Variants in GYS2 observed in about 807,000 individuals in gnomAD.
GYS2 encodes glycogen synthase 2.
A neutral mutation model predicts 85.6 loss-of-function variants in GYS2; 80 were observed. That is an observed-to-expected ratio of 0.93 (90% confidence interval 0.78 to 1.13). The LOEUF (loss-of-function observed/expected upper bound fraction) is 1.13, where lower values mean the gene tolerates loss of function less well. Ranked by LOEUF, GYS2 falls within the 50% of genes most tolerant of loss-of-function variation. GYS2 has a pLI of 0.00. For missense variants in GYS2, 881 were observed against 854.9 expected (o/e 1.03, Z -0.38); for synonymous variants, 328 against 300.7 (o/e 1.09, Z -0.94).
At chr12:21,550,460 C>G (rs1312857682) in intron 11 of GYS2, among the ~76,000 whole-genome samples, 1 of 152,108 alleles carries the variant, frequency 6.6e-6, no homozygotes, top group African/African-American at 2.4e-5. Context: ...CTCCTCTCTC[C>G]ATTCTGGCTC....
chr12:21,554,767 C>A (rs563935831), intron 11 of GYS2, among the ~76,000 whole-genome samples: 2 of 152,146 alleles, frequency 1.3e-5, no homozygotes, highest in Non-Finnish European at 2.9e-5. Flanking sequence ...GAGATGATAA[C>A]ATCAGGAAGG....
chr12:21,597,563 G>A (rs985629239), intron 1 of GYS2, among the ~76,000 whole-genome samples: 11 of 152,090 alleles, frequency 7.2e-5, no homozygotes, highest in Admixed American at 5.9e-4. Context: ...TGCTGGCAAG[G>A]ATGTGAAGGA....
intron 1 of GYS2, among the ~76,000 whole-genome samples, chr12:21,596,125 CA>C (rs1036150151): frequency 1.3e-5 from 2 of 151,174 alleles, no homozygotes; most frequent in Admixed American, 6.6e-5. Flanking sequence ...AATTACCAAC[CA>C]AAAAAAAGTT....
intron 1 of GYS2, among the ~76,000 whole-genome samples, chr12:21,585,068 T>C (rs1944557562): frequency 6.6e-6 from 1 of 152,174 alleles, no homozygotes; most frequent in South Asian, 2.1e-4. Flanking sequence ...CAATATATGG[T>C]ACTGTTTCTC....
Position 21,536,158 on chromosome 12 carries a change from C to T in GYS2, c.*796G>A, listed in dbSNP as rs1158123561. ...TTACTTGGATTTAACAACTTATCAT[C>T]TATGAAGAAACAAGGCATTACCAGT... On this transcript the variant is annotated 3_prime_UTR_variant, in exon 16 of 16. Transcript: ENST00000261195. The T allele has an allele frequency of 1.3e-5, 2 of 152,056 alleles. No individual in the cohort carries two copies. Among genetic ancestry groups the T allele is most frequent in the Non-Finnish European group, 2.9e-5 (2 of 68,010 alleles). 9.4% of individuals were successfully genotyped at this position (152,056 alleles called of 1,614,324 possible). A position where few individuals can be genotyped will look rare whatever the true frequency, so the allele number is the denominator to read the frequency against.
chr12:21,597,819 A>C (rs962894643), intron 1 of GYS2, among the ~76,000 whole-genome samples: 1 of 152,162 alleles, frequency 6.6e-6, no homozygotes, highest in Non-Finnish European at 1.5e-5. Flanking sequence ...CAATGGATGA[A>C]TGAAGAAAAT....
At chr12:21,583,678 G>A (rs1409387072) in intron 1 of GYS2, among the ~76,000 whole-genome samples, 1 of 152,172 alleles carries the variant, frequency 6.6e-6, no homozygotes, top group Non-Finnish European at 1.5e-5. Flanking sequence ...TCTCTTTTAG[G>A]GAGAAAGCTC....
At chr12:21,584,629 T>C (rs557611888) in intron 1 of GYS2, among the ~76,000 whole-genome samples, 2 of 152,326 alleles carry the variant, frequency 1.3e-5, no homozygotes, top group African/African-American at 4.8e-5. Context: ...GCCCTTGATA[T>C]GGCACCATTC....
Position 21,575,784 on chromosome 12 carries a change from A to G in GYS2, c.495+82T>C. On this transcript the variant is annotated intron_variant, in intron 3 of 15. Transcript: ENST00000261195. ...ATGGCATCATCTCAAAATCTGCCTC[A>G]TTTAAAGATCATGGGATCATTCTTG... 5 of 1,081,856 alleles carry G rather than the reference A, an allele frequency of 4.6e-6. No homozygotes were observed. In the South Asian group the frequency reaches 6.2e-5, roughly 13 times the overall value. 67.0% of individuals were successfully genotyped at this position (1,081,856 alleles called of 1,614,324 possible).
At chr12:21,568,433 A>G (rs1407480218) in intron 5 of GYS2, among the ~76,000 whole-genome samples, 2 of 152,198 alleles carry the variant, frequency 1.3e-5, no homozygotes, top group Non-Finnish European at 2.9e-5. Flanking sequence ...TTTCCAAGGA[A>G]TCTGGGGATA....
intron 5 of GYS2, among the ~76,000 whole-genome samples, chr12:21,564,450 T>A (rs894316471): frequency 2.0e-5 from 3 of 151,630 alleles, no homozygotes; most frequent in Admixed American, 6.6e-5. Flanking sequence ...AAAAAAAGAA[T>A]CTTTTACAGT....
chr12:21,599,134 A>AC (rs1371372440), intron 1 of GYS2, among the ~76,000 whole-genome samples: 3 of 151,988 alleles, frequency 2.0e-5, no homozygotes, highest in Non-Finnish European at 4.4e-5. Context: ...ATACACACAT[A>AC]TATACATATT....
At position 21,576,018 on chromosome 12, in the gene GYS2, C is replaced by T. The variant is rs764149075; in HGVS notation, c.343G>A (p.Val115Met). Residue 115 changes from valine to methionine, a missense_variant, in exon 3 of 16, where the codon GTG becomes ATG. Transcript: ENST00000261195. ...GAATAGCCTATGTCAAAAAGTACCA[C>T]ATAAGGACTTCCTTCTATCAGCCAT... ...GRWLIEGSPY[V>M]VLFDIGYSAW... 1.2e-6 allele frequency: 2 copies of T among 1,613,722 alleles called. No homozygotes were observed. The highest frequency in any genetic ancestry group is 1.7e-6 in the Non-Finnish European group (2 of 1,179,846).
At chr12:21,562,810 A>T in intron 7 of GYS2, 108 bp downstream of exon 7, 1 of 1,182,096 alleles carries the variant, frequency 8.5e-7, no homozygotes, top group Non-Finnish European at 1.2e-6. Flanking sequence ...GAATACGATT[A>T]TCGTTTATTC....
chr12:21,556,831 T>C (rs1944185912), intron 11 of GYS2, among the ~76,000 whole-genome samples: 1 of 152,252 alleles, frequency 6.6e-6, no homozygotes, highest in South Asian at 2.1e-4. Context: ...GTCTCTCCCA[T>C]GGTTTTGTAA....
intron 1 of GYS2, among the ~76,000 whole-genome samples, chr12:21,582,843 A>G (rs935038557): frequency 6.6e-6 from 1 of 152,180 alleles, no homozygotes; most frequent in African/African-American, 2.4e-5. Flanking sequence ...CCTTGGCATC[A>G]ATTGTTTAGA....
downstream of GYS2, chr12:21,535,163 T>C (rs182968195): frequency 6.6e-6 from 1 of 152,336 alleles, no homozygotes; most frequent in African/African-American, 2.4e-5. Flanking sequence ...TACACACTTA[T>C]TATCATCAAA....
At chr12:21,543,351 G>A (rs950346007) in intron 12 of GYS2, among the ~76,000 whole-genome samples, 5 of 152,276 alleles carry the variant, frequency 3.3e-5, no homozygotes, top group East Asian at 1.9e-4. Flanking sequence ...TGGTTTAGCT[G>A]TATAGCTGTG....
At chr12:21,543,529 T>C (rs1205124539) in intron 12 of GYS2, among the ~76,000 whole-genome samples, 2 of 152,202 alleles carry the variant, frequency 1.3e-5, no homozygotes, top group Admixed American at 6.5e-5. Context: ...CCTCCTGGAC[T>C]CAGCTCCACC....
Sources: gnomAD v4.1 joint callset for allele counts (sites outside exome capture counted in the v4.1 genomes callset) on GRCh38, gnomAD v4.1.1 for gene constraint, MANE v1.5 for transcripts, NCBI Gene and HGNC (gene_info 2026-07-23, HGNC 2026-07-21) for gene names.